The following LPP variants were observed in gnomAD, a reference collection of about 807,000 sequenced individuals.
LPP encodes LIM domain containing preferred translocation partner in lipoma.
Under a neutral mutation model 60.4 loss-of-function variants are expected in LPP, and 38 were observed. The observed-to-expected ratio is 0.63, with a 90% CI of 0.49 to 0.83. The LOEUF is 0.83. Among genes scored for constraint, LPP ranks in the 40% least tolerant of loss-of-function variants. The pLI is 0.00. For synonymous variants in LPP, 328 were observed against 290.8 expected (o/e 1.13, Z -1.30); for missense variants, 902 against 783.6 (o/e 1.15, Z -1.80).
At chr3:188,560,813 A>T (rs1271837354) in intron 6 of LPP, among the ~76,000 whole-genome samples, 2 of 152,078 alleles carry the variant, frequency 1.3e-5, no homozygotes, top group Admixed American at 6.6e-5. Context: ...AAGTCAGTGC[A>T]TTTACCTAAT....
At chr3:188,708,427 C>T (rs777496959) in intron 8 of LPP, 34 bp downstream of exon 8, 14 of 1,614,078 alleles carry the variant, frequency 8.7e-6, no homozygotes, top group Non-Finnish European at 1.2e-5. Context: ...TCTGAAGTAA[C>T]TATCTTGCTC....
At chr3:188,199,586 T>TA (rs2149074038) in intron 1 of LPP, among the ~76,000 whole-genome samples, 1 of 152,312 alleles carries the variant, frequency 6.6e-6, no homozygotes, top group East Asian at 1.9e-4. Context: ...GATCAGTAGT[T>TA]ACGCTATAAC....
intron 1 of LPP, among the ~76,000 whole-genome samples, chr3:188,176,733 G>A (rs2148855240): frequency 6.6e-6 from 1 of 152,242 alleles, no homozygotes; most frequent in African/African-American, 2.4e-5. Flanking sequence ...ATACCTCCTA[G>A]GACTGCAAGA....
chr3:188,686,756 G>A (rs960287217), intron 7 of LPP, among the ~76,000 whole-genome samples: 2 of 152,180 alleles, frequency 1.3e-5, no homozygotes, highest in Non-Finnish European at 2.9e-5. Context: ...AGCTCTGATG[G>A]TGAGTATGGG....
chr3:188,614,172 A>G (rs1309558063), intron 7 of LPP, among the ~76,000 whole-genome samples: 1 of 151,898 alleles, frequency 6.6e-6, no homozygotes, highest in African/African-American at 2.4e-5. Flanking sequence ...CACGTAATCT[A>G]CCCATCTCGA....
intron 6 of LPP, among the ~76,000 whole-genome samples, chr3:188,540,634 A>C (rs1824909105): frequency 6.6e-6 from 1 of 152,228 alleles, no homozygotes; most frequent in Non-Finnish European, 1.5e-5. Flanking sequence ...AGACCATTAT[A>C]GTATCTATCT....
At position 188,883,318 on chromosome 3, in the gene LPP, A is replaced by T; in HGVS notation, c.*8839A>T. On this transcript the variant is annotated 3_prime_UTR_variant, in exon 12 of 12. Coordinates refer to ENST00000617246, the MANE Select transcript of LPP (RefSeq NM_001375462.1). ...TGTGAGTTTTTTTGTTGCTGGTTGT[A>T]CTTTCCTATTTAGAAGACAGACCGT... The T allele has an allele frequency of 4.6e-6, 1 of 216,164 alleles. No individual in the cohort carries two copies. The highest frequency in any genetic ancestry group is 5.8e-5 in the Admixed American group (1 of 17,180). The allele number at this position is 216,164 out of a possible 1,614,324, so 13.4% of individuals were successfully genotyped here.
chr3:188,427,510 G>A (rs1430493585), intron 4 of LPP, among the ~76,000 whole-genome samples: 2 of 152,046 alleles, frequency 1.3e-5, no homozygotes, highest in South Asian at 2.1e-4. Context: ...TGCTCTTCTC[G>A]AGGAGTATCT....
chr3:188,336,306 C>G (rs1761609175), intron 2 of LPP, among the ~76,000 whole-genome samples: 1 of 152,096 alleles, frequency 6.6e-6, no homozygotes, highest in African/African-American at 2.4e-5. Flanking sequence ...TACAGGTTCA[C>G]TCTCTGTGCT....
chr3:188,374,139 C>T (rs949211878), intron 3 of LPP, among the ~76,000 whole-genome samples: 56 of 152,186 alleles, frequency 3.7e-4, no homozygotes, highest in African/African-American at 2.9e-4. Context: ...AGTCAGGTAG[C>T]GTGATGCCTC....
rs1426831797 is a variant in LPP, at chr3:188,379,066, G to T, written c.-9-27046G>T. ...AAGTCCTGCCCTCCCCACTAGCCAG[G>T]CCAAGATAAGGACCATTTTCTTTCT... On this transcript the variant is annotated intron_variant, in intron 3 of 11. Transcript: ENST00000617246. Among the ~76,000 whole-genome samples, 4 of 152,026 alleles carry T rather than the reference G, an allele frequency of 2.6e-5. No individual in the cohort carries two copies. The East Asian group carries it at 7.7e-4, about 29-fold the overall frequency.
intron 3 of LPP, among the ~76,000 whole-genome samples, chr3:188,389,903 T>C (rs1307346225): frequency 6.6e-6 from 1 of 152,000 alleles, no homozygotes; most frequent in Non-Finnish European, 1.5e-5. Flanking sequence ...TCCTGAAATC[T>C]AACTGTGGGT....
rs71169028 is a variant in LPP, at chr3:188,883,732, C to CAAAAAAAAA, written c.*9267_*9275dup. The CAAAAAAAAA allele has an allele frequency of 4.5e-4, 32 of 70,468 alleles. 1 individual carries two copies. Among genetic ancestry groups the CAAAAAAAAA allele is most frequent in the Admixed American group, 7.0e-4 (3 of 4,310 alleles). The allele number at this position is 70,468 out of a possible 1,614,324, so 4.4% of individuals were successfully genotyped here. A position where few individuals can be genotyped will look rare whatever the true frequency, so the allele number is the denominator to read the frequency against. ...TGGGCGACAGAACGAGACTCCGTCT[C>CAAAAAAAAA]AAAAAAAAAAAAAAAAAAAAAAGGT... On this transcript the variant is annotated 3_prime_UTR_variant, in exon 12 of 12. Coordinates refer to ENST00000617246, the MANE Select transcript of LPP (RefSeq NM_001375462.1).
At chr3:188,287,709 T>C (rs1369293274) in intron 2 of LPP, among the ~76,000 whole-genome samples, 1 of 152,214 alleles carries the variant, frequency 6.6e-6, no homozygotes, top group African/African-American at 2.4e-5. Context: ...TCTTTTTTTC[T>C]CTGGCAAGAA....
intron 5 of LPP, among the ~76,000 whole-genome samples, chr3:188,511,714 A>T (rs1815723111): frequency 1.3e-5 from 2 of 152,150 alleles, no homozygotes; most frequent in African/African-American, 4.8e-5. Flanking sequence ...AACAGGAATA[A>T]TAACATCTAC....
In LPP at chr3:188,310,911, T is replaced by C. The variant is rs145375931; in HGVS notation, c.-66-30752T>C. Among the ~76,000 whole-genome samples the C allele has an allele frequency of 1.5e-3, 232 of 152,320 alleles. 1 individual carries two copies. The highest frequency in any genetic ancestry group is 1.6e-3 in the Non-Finnish European group (107 of 68,030). ...ATATGTTCCTTGCCAGAACTTGGGC[T>C]AAGTGCTTTATTATAAGTTATCTTA... On this transcript the variant is annotated intron_variant, in intron 2 of 11. Transcript: ENST00000617246.
Position 188,217,755 on chromosome 3 carries a change from G to A in LPP, c.-189-7650G>A, listed in dbSNP as rs971124811. On this transcript the variant is annotated intron_variant, in intron 1 of 11. Coordinates refer to ENST00000617246, the MANE Select transcript of LPP (RefSeq NM_001375462.1). The surrounding 1 kb of genome is among the most constrained non-coding windows in gnomAD (Gnocchi z 4.0). ...GTGCCCTAGGGGGTTGCCCAGATAAGCAGCTGGCGTTCCAAGACCAAAGAG... is the reference window on the plus strand; with the variant it reads ...GTGCCCTAGGGGGTTGCCCAGATAAACAGCTGGCGTTCCAAGACCAAAGAG... 4.6e-5 allele frequency among the ~76,000 whole-genome samples: 7 copies of A among 152,154 alleles called. No homozygotes were observed. Among genetic ancestry groups the A allele is most frequent in the Admixed American group, 4.6e-4 (7 of 15,282 alleles).
chr3:188,267,066 G>C (rs997760152), intron 2 of LPP, among the ~76,000 whole-genome samples: 9 of 152,186 alleles, frequency 5.9e-5, no homozygotes, highest in Non-Finnish European at 1.2e-4. Flanking sequence ...CCTCCAAGCA[G>C]GAAGATCTTT....
chr3:188,243,110 A>T (rs2149485419), intron 2 of LPP, among the ~76,000 whole-genome samples: 1 of 152,308 alleles, frequency 6.6e-6, no homozygotes, highest in African/African-American at 2.4e-5. Flanking sequence ...AACTATAATT[A>T]ATATAACAAA....
Sources: gnomAD v4.1 joint callset for allele counts (sites outside exome capture counted in the v4.1 genomes callset) on GRCh38, gnomAD v4.1.1 for gene constraint, Gnocchi (gnomAD v3.1) non-coding constraint, MANE v1.5 for transcripts, NCBI Gene and HGNC (gene_info 2026-07-23, HGNC 2026-07-21) for gene names.